The following NPC1 variants were observed in gnomAD, a reference collection of about 807,000 sequenced individuals.
The protein encoded by NPC1 is Niemann-Pick C1 protein.
A neutral mutation model predicts 140.4 loss-of-function variants in NPC1; 85 were observed. The observed-to-expected ratio is 0.61, with a 90% CI of 0.51 to 0.72. NPC1 has a LOEUF of 0.72. Among genes scored for constraint, NPC1 ranks in the 30% least tolerant of loss-of-function variants. The pLI, the probability that NPC1 is intolerant of heterozygous loss-of-function variation, is 0.00. For missense variants in NPC1, 1,504 were observed against 1,623.8 expected, an observed-to-expected ratio of 0.93 and a Z score of 1.27; for synonymous variants, 656 against 624.8, an observed-to-expected ratio of 1.05 and a Z score of -0.74.
At chr18:23,575,114 G>A (rs1486394411) in intron 1 of NPC1, among the ~76,000 whole-genome samples, 1 of 152,200 alleles carries the variant, frequency 6.6e-6, no homozygotes, top group Non-Finnish European at 1.5e-5. Context: ...GGGGCACTCT[G>A]GCTGGTTACC....
chr18:23,529,086 C>T (rs2058399942), downstream of NPC1: 45 of 1,517,364 alleles, frequency 3.0e-5, no homozygotes, highest in Non-Finnish European at 3.7e-5. Context: ...ATCCTGGGTC[C>T]ACATCGAAGA....
intron 3 of NPC1, chr18:23,515,930 C>G (rs764440148): frequency 6.2e-7 from 1 of 1,614,002 alleles, no homozygotes; most frequent in Non-Finnish European, 8.5e-7. Context: ...TGTACTGCCC[C>G]GAGAGCGCCG....
chr18:23,542,044 AAAC>A (rs533217203), intron 14 of NPC1, among the ~76,000 whole-genome samples: 64 of 152,260 alleles, frequency 4.2e-4, no homozygotes, highest in Middle Eastern at 3.4e-3. Flanking sequence ...CTTGGAAGAA[AAAC>A]AACAACAACA....
At position 23,572,687 on chromosome 18, in the gene NPC1, A is replaced by T. The variant is rs188995051; in HGVS notation, c.181-507T>A. Among the ~76,000 whole-genome samples the T allele has an allele frequency of 3.7e-3, 557 of 152,276 alleles. 5 individuals carry two copies. The highest frequency in any genetic ancestry group is 5.5e-3 in the Non-Finnish European group (373 of 68,024). ...CATCTCCCCAAATTTTTAAAAAATT[A>T]GCCAGGGGTTGTGGCATGTGCCTGT... On this transcript the variant is annotated intron_variant, in intron 2 of 24. Coordinates refer to ENST00000269228, the MANE Select transcript of NPC1 (RefSeq NM_000271.5).
At chr18:23,527,088 G>C (rs2058320042), downstream of NPC1, among the ~76,000 whole-genome samples, 1 of 151,954 alleles carries the variant, frequency 6.6e-6, no homozygotes, top group South Asian at 2.1e-4. Flanking sequence ...TCTTCTTTAA[G>C]AATCCCCTAC....
chr18:23,527,970 A>G, downstream of NPC1: 2 of 1,269,818 alleles, frequency 1.6e-6, no homozygotes, highest in East Asian at 5.0e-5. Flanking sequence ...CTAAGTAATT[A>G]TGATGCAAAA....
At chr18:23,526,784 C>T (rs1202499443), downstream of NPC1, 3 of 1,612,286 alleles carry the variant, frequency 1.9e-6, no homozygotes, top group African/African-American at 4.0e-5. Flanking sequence ...AATCCTTCCC[C>T]CTTGCTCTGA....
At chr18:23,538,766 C>T in intron 19 of NPC1, 95 bp from the exon 20 acceptor site, 1 of 1,324,582 alleles carries the variant, frequency 7.5e-7, no homozygotes, top group Non-Finnish European at 1.1e-6. Flanking sequence ...GCATTACTTT[C>T]TTCTCTATCG....
Position 23,573,473 on chromosome 18 carries a change from C to T in NPC1, c.159G>A (p.Lys53=). ...EYSGPPKPLP[K]DGYDLVQELC... The stretch of plus-strand genomic sequence containing the variant: ...TTACCTGCACTAAGTCATATCCATC[C>T]TTTGGCAATGGTTTTGGTGGGCCAG... The change falls in exon 2 of 25, where the codon AAG becomes AAA. Residue 53 remains lysine (K), a synonymous_variant. Coordinates refer to ENST00000269228, the MANE Select transcript of NPC1 (RefSeq NM_000271.5). 6.2e-7 allele frequency: 1 copy of T among 1,614,178 alleles called. No individual in the cohort carries two copies. Among genetic ancestry groups the T allele is most frequent in the Non-Finnish European group, 8.5e-7 (1 of 1,180,028 alleles).
chr18:23,564,867 T>A (rs1056208400), intron 4 of NPC1, among the ~76,000 whole-genome samples: 1 of 152,210 alleles, frequency 6.6e-6, no homozygotes, highest in African/African-American at 2.4e-5. Flanking sequence ...TAGGGCCCAA[T>A]TTCATTATTA....
At chr18:23,554,427 G>A (rs1170033069) in intron 9 of NPC1, among the ~76,000 whole-genome samples, 2 of 152,100 alleles carry the variant, frequency 1.3e-5, no homozygotes, top group Non-Finnish European at 2.9e-5. Context: ...CCAACATGGC[G>A]AAACCCCATC....
At chr18:23,557,964 T>C (rs2058979198) in intron 6 of NPC1, among the ~76,000 whole-genome samples, 2 of 152,040 alleles carry the variant, frequency 1.3e-5, no homozygotes, top group African/African-American at 2.4e-5. Flanking sequence ...AGTGGAAAAC[T>C]TTGAGTAACA....
downstream of NPC1, among the ~76,000 whole-genome samples, chr18:23,527,223 C>CAAAAAA (rs386387173): frequency 4.6e-5 from 2 of 43,668 alleles, no homozygotes; most frequent in African/African-American, 6.5e-5. Flanking sequence ...CCTGTCTCTA[C>CAAAAAA]AAAAAAAAAA....
intron 1 of NPC1, among the ~76,000 whole-genome samples, 164 bp from the exon 2 acceptor site, chr18:23,573,738 C>T (rs2059235946): frequency 6.6e-6 from 1 of 152,126 alleles, no homozygotes; most frequent in Admixed American, 6.5e-5. Flanking sequence ...TTAAAGCAGA[C>T]CAAATGCCTA....
chr18:23,578,765 A>C (rs2059322568), intron 1 of NPC1, among the ~76,000 whole-genome samples: 2 of 152,342 alleles, frequency 1.3e-5, no homozygotes, highest in Admixed American at 6.5e-5. Context: ...AGACGAAACC[A>C]ATCTTTCCTC....
intron 4 of NPC1, among the ~76,000 whole-genome samples, chr18:23,567,358 T>C (rs1053374041): frequency 1.3e-5 from 2 of 152,232 alleles, no homozygotes; most frequent in African/African-American, 4.8e-5. Flanking sequence ...GGTATCTCGT[T>C]GTTTTAATTT....
intron 4 of NPC1, among the ~76,000 whole-genome samples, chr18:23,566,187 T>C (rs2059120628): frequency 6.6e-6 from 1 of 152,090 alleles, no homozygotes. Flanking sequence ...GGCCAGGAGT[T>C]TGAGGCCAGC....
chr18:23,552,213 T>C (rs1184848603), intron 9 of NPC1, among the ~76,000 whole-genome samples: 1 of 151,992 alleles, frequency 6.6e-6, no homozygotes, highest in East Asian at 1.9e-4. Flanking sequence ...TCTCAAGTAC[T>C]CAGGAAGCTG....
At chr18:23,556,734 T>C (rs986530555) in intron 7 of NPC1, 121 bp from the exon 8 acceptor site, 3 of 1,471,838 alleles carry the variant, frequency 2.0e-6, no homozygotes, top group Admixed American at 2.0e-5. Flanking sequence ...TGGGGACACA[T>C]ATGAGACCCC....
Sources: allele counts gnomAD v4.1 joint callset (sites outside exome capture counted in the v4.1 genomes callset), GRCh38; gene constraint gnomAD v4.1.1; transcripts MANE v1.5; gene names NCBI Gene and HGNC (gene_info 2026-07-23, HGNC 2026-07-21).